ADGRB3: variants seen among roughly 807,000 people sequenced by gnomAD.
ADGRB3 encodes brain-specific angiogenesis inhibitor 3.
Under a neutral mutation model 193.4 loss-of-function variants are expected in ADGRB3, and 37 were observed. The observed-to-expected ratio is 0.19, with a 90% confidence interval of 0.15 to 0.25. ADGRB3 has a LOEUF of 0.25. Ranked by LOEUF, ADGRB3 falls within the 10% of genes least tolerant of loss-of-function variation. ADGRB3 has a pLI of 1.00. For synonymous variants in ADGRB3, 690 were observed against 644.2 expected (o/e 1.07, Z -1.08); for missense variants, 1,637 against 1,852.9 (o/e 0.88, Z 2.14).
At chr6:69,209,312 T>C (rs1301789192) in intron 17 of ADGRB3, among the ~76,000 whole-genome samples, 2 of 152,174 alleles carry the variant, frequency 1.3e-5, no homozygotes, top group African/African-American at 4.8e-5. Flanking sequence ...GCATTGTGCC[T>C]CTTTCTTAGT....
chr6:69,041,623 A>ATT (rs10638407), intron 13 of ADGRB3, among the ~76,000 whole-genome samples: 36,990 of 150,830 alleles, frequency 0.25, 4,768 homozygotes, highest in African/African-American at 0.26. Flanking sequence ...GCTCGTAGGA[A>ATT]TTTTTTTTTT....
At chr6:69,091,307 A>G (rs557095148) in intron 17 of ADGRB3, among the ~76,000 whole-genome samples, 3 of 152,252 alleles carry the variant, frequency 2.0e-5, no homozygotes, top group African/African-American at 7.2e-5. Flanking sequence ...CCAAGGTAAT[A>G]TAAATCATTT....
At chr6:68,833,748 G>A (rs1322355276) in intron 3 of ADGRB3, among the ~76,000 whole-genome samples, 1 of 151,338 alleles carries the variant, frequency 6.6e-6, no homozygotes, top group African/African-American at 2.4e-5. Flanking sequence ...CACCACTAAG[G>A]GCAATTCATA....
chr6:69,197,814 A>G (rs1156798183), intron 17 of ADGRB3, among the ~76,000 whole-genome samples: 1 of 151,768 alleles, frequency 6.6e-6, no homozygotes, highest in African/African-American at 2.4e-5. Context: ...GAAAAGACAA[A>G]GAAGGATTCA....
chr6:69,226,514 G>A (rs1165547806), intron 17 of ADGRB3, among the ~76,000 whole-genome samples: 1 of 152,184 alleles, frequency 6.6e-6, no homozygotes, highest in African/African-American at 2.4e-5. Flanking sequence ...AATCAAATGG[G>A]AAAGTATATA....
intron 17 of ADGRB3, among the ~76,000 whole-genome samples, chr6:69,106,942 T>A (rs1164374261): frequency 1.3e-5 from 2 of 152,116 alleles, no homozygotes; most frequent in Non-Finnish European, 2.9e-5. Flanking sequence ...AAAAGAAAAA[T>A]GGAAGAAATT....
At chr6:69,162,076 C>A (rs1344214210) in intron 17 of ADGRB3, among the ~76,000 whole-genome samples, 1 of 152,032 alleles carries the variant, frequency 6.6e-6, no homozygotes, top group Non-Finnish European at 1.5e-5. Context: ...GAATCAGGAA[C>A]CATTGATGGC....
In ADGRB3 at chr6:68,912,045, C is replaced by A. The variant is rs531938797; in HGVS notation, c.758-18514C>A. On this transcript the variant is annotated intron_variant, in intron 3 of 31. Transcript: ENST00000370598. ...AAGTATTTGTATGATTCAGTTGTGA[C>A]CTTTTTGAATGATTAACAGATTGCA... Among the ~76,000 whole-genome samples the A allele has an allele frequency of 3.3e-5, 5 of 152,004 alleles. No homozygotes were observed. The South Asian group carries it at 1.0e-3, about 32-fold the overall frequency.
chr6:68,815,603 TTGTGTGTGTG>T (rs5877170), intron 3 of ADGRB3, among the ~76,000 whole-genome samples: 67 of 137,264 alleles, frequency 4.9e-4, no homozygotes, highest in African/African-American at 1.2e-3. Context: ...CCATCAAAAA[TTGTGTGTGTG>T]TGTGTGTGTG....
At chr6:69,368,777 A>G (rs1368131319) in intron 29 of ADGRB3, among the ~76,000 whole-genome samples, 1 of 152,080 alleles carries the variant, frequency 6.6e-6, no homozygotes, top group Non-Finnish European at 1.5e-5. Context: ...CTGAGTGTCC[A>G]ATAAGATGGA....
chr6:68,862,760 A>G (rs1465765033), intron 3 of ADGRB3, among the ~76,000 whole-genome samples: 3 of 152,040 alleles, frequency 2.0e-5, no homozygotes, highest in Non-Finnish European at 4.4e-5. Context: ...TAAGGCTATC[A>G]CTTTTACTTC....
intron 17 of ADGRB3, among the ~76,000 whole-genome samples, chr6:69,137,167 G>A (rs1355589591): frequency 2.0e-5 from 3 of 148,850 alleles, no homozygotes; most frequent in Non-Finnish European, 3.0e-5. Context: ...GAGTTTCAAC[G>A]TGGAATCTTA....
intron 3 of ADGRB3, among the ~76,000 whole-genome samples, chr6:68,850,985 G>T (rs1347291651): frequency 4.6e-5 from 7 of 151,878 alleles, no homozygotes; most frequent in African/African-American, 9.7e-5. Flanking sequence ...CATTCTCAAT[G>T]TGTTATTTAA....
chr6:68,969,212 G>A (rs1768484099), intron 8 of ADGRB3, among the ~76,000 whole-genome samples: 1 of 151,958 alleles, frequency 6.6e-6, no homozygotes, highest in Admixed American at 6.6e-5. Flanking sequence ...TTGTGAGAAG[G>A]GCTATAATAT....
chr6:68,858,315 C>T (rs1765044512), intron 3 of ADGRB3, among the ~76,000 whole-genome samples: 1 of 151,912 alleles, frequency 6.6e-6, no homozygotes, highest in Non-Finnish European at 1.5e-5. Flanking sequence ...TCAGTCTGGC[C>T]AACATAGAGA....
At chr6:69,078,915 A>G (rs1301756830) in intron 17 of ADGRB3, among the ~76,000 whole-genome samples, 1 of 152,076 alleles carries the variant, frequency 6.6e-6, no homozygotes, top group Non-Finnish European at 1.5e-5. Context: ...ATAAATATTT[A>G]TTGGCTACTT....
chr6:68,688,045 A>G (rs1354187658), intron 3 of ADGRB3, among the ~76,000 whole-genome samples: 1 of 152,144 alleles, frequency 6.6e-6, no homozygotes, highest in Non-Finnish European at 1.5e-5. Context: ...AAATTGAGTC[A>G]AAAGGAGATT....
At chr6:69,075,475 A>G (rs528131064) in intron 16 of ADGRB3, among the ~76,000 whole-genome samples, 1 of 152,334 alleles carries the variant, frequency 6.6e-6, no homozygotes, top group East Asian at 1.9e-4. Context: ...CTATACAACC[A>G]TGATATGCTA....
intron 20 of ADGRB3, among the ~76,000 whole-genome samples, chr6:69,278,844 A>G (rs987339435): frequency 3.9e-5 from 6 of 151,954 alleles, no homozygotes; most frequent in African/African-American, 1.4e-4. Flanking sequence ...TAAAGATAAT[A>G]CAAAATATAC....
Sources: allele counts gnomAD v4.1 joint callset (sites outside exome capture counted in the v4.1 genomes callset), GRCh38; gene constraint gnomAD v4.1.1; transcripts MANE v1.5; gene names NCBI Gene and HGNC (gene_info 2026-07-23, HGNC 2026-07-21).